Variants in KIAA1217 observed in about 807,000 individuals in gnomAD.
KIAA1217 encodes the protein KIAA1217.
Under a neutral mutation model 163.9 loss-of-function variants are expected in KIAA1217, and 88 were observed. The ratio of observed to expected loss-of-function variants is 0.54; its 90% confidence interval spans 0.45 to 0.64. The LOEUF (loss-of-function observed/expected upper bound fraction) is 0.64. Ranked by LOEUF, KIAA1217 falls within the 30% of genes least tolerant of loss-of-function variation. The pLI, the probability that KIAA1217 is intolerant of heterozygous loss-of-function variation, is 0.00. For missense variants in KIAA1217, 2,372 were observed against 2,475.0 expected, an observed-to-expected ratio of 0.96 and a Z score of 0.88; for synonymous variants, 903 against 923.1, an observed-to-expected ratio of 0.98 and a Z score of 0.39.
At chr10:24,047,755 T>C (rs139819148) in intron 2 of KIAA1217, among the ~76,000 whole-genome samples, 43 of 152,296 alleles carry the variant, frequency 2.8e-4, no homozygotes, top group Non-Finnish European at 5.6e-4. Context: ...TCCACCTCTA[T>C]ATTAATACTT....
intron 3 of KIAA1217, among the ~76,000 whole-genome samples, chr10:24,400,893 T>G (rs187514225): frequency 6.7e-6 from 1 of 149,392 alleles, no homozygotes; most frequent in East Asian, 2.0e-4. Flanking sequence ...AGATGAGAAT[T>G]TTTCTAGAAT....
intron 2 of KIAA1217, among the ~76,000 whole-genome samples, chr10:24,320,396 C>G (rs1319967227): frequency 6.6e-6 from 1 of 152,246 alleles, no homozygotes; most frequent in African/African-American, 2.4e-5. Flanking sequence ...GAATTTAGAT[C>G]TTGGGCTGGG....
intron 9 of KIAA1217, among the ~76,000 whole-genome samples, chr10:24,502,191 T>G (rs1010237036): frequency 6.9e-6 from 1 of 145,888 alleles, no homozygotes; most frequent in African/African-American, 2.5e-5. Context: ...GCTTGGAGGC[T>G]CCATCCTCCT....
intron 2 of KIAA1217, among the ~76,000 whole-genome samples, chr10:24,098,724 CGTGTGTGTGT>C (rs10524680): frequency 0.016 from 2,276 of 139,362 alleles, 60 homozygotes; most frequent in African/African-American, 0.058. Flanking sequence ...TGAAGGGGAG[CGTGTGTGTGT>C]GTGTGTGTGT....
chr10:23,782,495 C>G (rs1294092272), intron 1 of KIAA1217, among the ~76,000 whole-genome samples: 1 of 152,128 alleles, frequency 6.6e-6, no homozygotes, highest in Non-Finnish European at 1.5e-5. Flanking sequence ...TGCAGTGGTG[C>G]GATCTCAGCT....
intron 2 of KIAA1217, among the ~76,000 whole-genome samples, chr10:24,108,935 G>A (rs1270022355): frequency 6.6e-6 from 1 of 152,136 alleles, no homozygotes; most frequent in South Asian, 2.1e-4. Flanking sequence ...AGGATCAAGC[G>A]ATTCTTCTGC....
At chr10:24,278,854 C>CTTTTTTTTTT (rs11288814) in intron 2 of KIAA1217, among the ~76,000 whole-genome samples, 4 of 140,844 alleles carry the variant, frequency 2.8e-5, no homozygotes, top group Non-Finnish European at 4.6e-5. Context: ...ACTCAGATTA[C>CTTTTTTTTTT]TTTTTTTTTT....
intron 1 of KIAA1217, among the ~76,000 whole-genome samples, chr10:23,803,257 G>T (rs1836560606): frequency 6.6e-6 from 1 of 152,198 alleles, no homozygotes; most frequent in African/African-American, 2.4e-5. Flanking sequence ...CTGGTGCCCA[G>T]CTCATGCCAC....
chr10:24,131,487 A>G (rs2063649592), intron 2 of KIAA1217, among the ~76,000 whole-genome samples: 1 of 152,242 alleles, frequency 6.6e-6, no homozygotes, highest in African/African-American at 2.4e-5. Flanking sequence ...GAATGAACTT[A>G]TCTTTCTCCT....
At chr10:23,725,001 C>G (rs982098552) in intron 1 of KIAA1217, among the ~76,000 whole-genome samples, 2 of 152,160 alleles carry the variant, frequency 1.3e-5, no homozygotes, top group Non-Finnish European at 2.9e-5. Context: ...CTTAGTTCTA[C>G]ACAGAGGGAG....
chr10:24,355,223 G>C (rs564573518), intron 2 of KIAA1217, among the ~76,000 whole-genome samples: 9 of 152,200 alleles, frequency 5.9e-5, no homozygotes, highest in Non-Finnish European at 1.2e-4. Flanking sequence ...AGCCCCTCAG[G>C]ATAGCAAGTC....
intron 1 of KIAA1217, among the ~76,000 whole-genome samples, chr10:23,745,992 A>G (rs1032275530): frequency 6.6e-6 from 1 of 152,180 alleles, no homozygotes; most frequent in East Asian, 1.9e-4. Context: ...ACTGAATGTC[A>G]TTCACCATGT....
chr10:24,082,491 C>T (rs963220635), intron 2 of KIAA1217, among the ~76,000 whole-genome samples: 7 of 152,014 alleles, frequency 4.6e-5, no homozygotes, highest in Admixed American at 6.6e-5. Flanking sequence ...TGAGAACATG[C>T]GGTGTTTGGT....
intron 3 of KIAA1217, among the ~76,000 whole-genome samples, chr10:24,385,059 G>A (rs1019037389): frequency 1.3e-5 from 2 of 152,172 alleles, no homozygotes; most frequent in South Asian, 2.1e-4. Flanking sequence ...ACACTGGCAC[G>A]TGGTGCCACA....
At chr10:23,907,755 C>T (rs1842231514) in intron 1 of KIAA1217, among the ~76,000 whole-genome samples, 1 of 152,136 alleles carries the variant, frequency 6.6e-6, no homozygotes, top group Non-Finnish European at 1.5e-5. Context: ...CGGACACATT[C>T]AGAAATGTTT....
chr10:24,266,870 C>T (rs758229961), intron 2 of KIAA1217, among the ~76,000 whole-genome samples: 2 of 152,196 alleles, frequency 1.3e-5, no homozygotes, highest in South Asian at 2.1e-4. Context: ...CTTTGCTTTT[C>T]GCAATAAATC....
At chr10:23,827,477 T>A (rs911454822) in intron 1 of KIAA1217, among the ~76,000 whole-genome samples, 2 of 152,336 alleles carry the variant, frequency 1.3e-5, no homozygotes, top group African/African-American at 4.8e-5. Context: ...CGTTTGTTTG[T>A]GGATAGATGA....
intron 5 of KIAA1217, among the ~76,000 whole-genome samples, chr10:24,462,307 C>A (rs1426036763): frequency 6.6e-6 from 1 of 152,114 alleles, no homozygotes; most frequent in African/African-American, 2.4e-5. Context: ...TGAGATGCCC[C>A]AGTGATTCTT....
intron 2 of KIAA1217, among the ~76,000 whole-genome samples, chr10:24,176,778 G>A (rs1007505314): frequency 2.0e-5 from 3 of 152,354 alleles, no homozygotes; most frequent in Non-Finnish European, 2.9e-5. Context: ...CGGAGCGGGG[G>A]TGGCGCCCAT....
Sources: gnomAD v4.1 joint callset for allele counts (sites outside exome capture counted in the v4.1 genomes callset) on GRCh38, gnomAD v4.1.1 for gene constraint, MANE v1.5 for transcripts, NCBI Gene and HGNC (gene_info 2026-07-23, HGNC 2026-07-21) for gene names.